TMEM132B: variants seen among roughly 807,000 people sequenced by gnomAD.
TMEM132B encodes the protein transmembrane protein 132B.
In TMEM132B, 18 loss-of-function variants were observed where a neutral mutation model predicts 90.8. The ratio of observed to expected loss-of-function variants is 0.20; its 90% confidence interval spans 0.14 to 0.29. The LOEUF (loss-of-function observed/expected upper bound fraction) is 0.29, where lower values mean the gene tolerates loss of function less well. Ranked by LOEUF, TMEM132B falls within the 10% of genes least tolerant of loss-of-function variation. The probability of loss-of-function intolerance (pLI) is 1.00; values close to 1 mark genes in which losing one functional copy is unlikely to be tolerated. For synonymous variants in TMEM132B, 504 were observed against 523.3 expected (o/e 0.96, Z 0.50); for missense variants, 1,096 against 1,326.8 (o/e 0.83, Z 2.70).
chr12:125,434,905 T>G (rs996302260), intron 3 of TMEM132B, among the ~76,000 whole-genome samples: 13 of 152,158 alleles, frequency 8.5e-5, no homozygotes, highest in Admixed American at 7.9e-4. Flanking sequence ...TGCTGAAACT[T>G]CTTTTCCGTG....
chr12:125,425,775 T>C (rs759471972), intron 3 of TMEM132B, among the ~76,000 whole-genome samples: 7 of 152,268 alleles, frequency 4.6e-5, no homozygotes, highest in Non-Finnish European at 1.0e-4. Flanking sequence ...TTTCTTGGCT[T>C]GATAGCTCAT....
At chr12:125,373,407 TC>T (rs1878363182) in intron 2 of TMEM132B, among the ~76,000 whole-genome samples, 1 of 152,150 alleles carries the variant, frequency 6.6e-6, no homozygotes, top group Non-Finnish European at 1.5e-5. Context: ...TGGGCTTTAA[TC>T]CGATACCTTC....
intron 1 of TMEM132B, among the ~76,000 whole-genome samples, chr12:125,288,707 G>A (rs1039063876): frequency 1.3e-5 from 2 of 151,960 alleles, no homozygotes; most frequent in African/African-American, 2.4e-5. Flanking sequence ...GCTGTTCTGC[G>A]CATCGTGGGA....
intron 1 of TMEM132B, among the ~76,000 whole-genome samples, chr12:125,285,511 T>C (rs1421445128): frequency 6.6e-6 from 1 of 152,198 alleles, no homozygotes; most frequent in Non-Finnish European, 1.5e-5. Flanking sequence ...CATCCAGCGC[T>C]GGACTGAGCC....
intron 2 of TMEM132B, among the ~76,000 whole-genome samples, chr12:125,366,350 T>A (rs190334885): frequency 5.3e-4 from 81 of 152,340 alleles, no homozygotes; most frequent in Non-Finnish European, 9.3e-4. Context: ...GGAGTGCAGA[T>A]ATCTCTTTGA....
chr12:125,297,582 G>A (rs747720060), intron 1 of TMEM132B, among the ~76,000 whole-genome samples: 30 of 152,192 alleles, frequency 2.0e-4, no homozygotes, highest in Non-Finnish European at 2.4e-4. Context: ...CTCAATACTG[G>A]GGCTAAAAGG....
At chr12:125,297,118 G>A (rs903256959) in intron 1 of TMEM132B, among the ~76,000 whole-genome samples, 5 of 150,508 alleles carry the variant, frequency 3.3e-5, no homozygotes, top group African/African-American at 1.2e-4. Flanking sequence ...GCTGGCCACA[G>A]GTCCAGAGAC....
intron 2 of TMEM132B, among the ~76,000 whole-genome samples, chr12:125,404,393 A>G (rs1033915667): frequency 6.6e-6 from 1 of 152,176 alleles, no homozygotes; most frequent in African/African-American, 2.4e-5. Flanking sequence ...AGGATCAGGA[A>G]ATCATATCTG....
chr12:125,542,301 G>T (rs1009563332), intron 4 of TMEM132B, among the ~76,000 whole-genome samples: 1 of 152,178 alleles, frequency 6.6e-6, no homozygotes, highest in African/African-American at 2.4e-5. Flanking sequence ...AATGTCTTTA[G>T]ATGGTAGATT....
At chr12:125,463,622 T>C (rs1265041017) in intron 3 of TMEM132B, among the ~76,000 whole-genome samples, 1 of 152,198 alleles carries the variant, frequency 6.6e-6, no homozygotes, top group African/African-American at 2.4e-5. Context: ...ATCTCAGCTC[T>C]CCCTGGTTTG....
chr12:125,497,105 C>T (rs955178924), intron 3 of TMEM132B, among the ~76,000 whole-genome samples: 1 of 152,178 alleles, frequency 6.6e-6, no homozygotes, highest in Admixed American at 6.5e-5. Flanking sequence ...CCCTATTACC[C>T]AGCCTGGGCT....
At position 125,349,425 on chromosome 12, in the gene TMEM132B, A is replaced by G. The variant is rs745697937; in HGVS notation, c.68-27A>G. 4 of 1,574,342 alleles carry G rather than the reference A, an allele frequency of 2.5e-6. No individual in the cohort carries two copies. The highest frequency in any genetic ancestry group is 2.4e-5 in the South Asian group (2 of 83,240). On this transcript the variant is annotated intron_variant, in intron 1 of 8. Coordinates refer to ENST00000682704, the MANE Select transcript of TMEM132B (RefSeq NM_001366854.1). The surrounding 1 kb of genome is among the most constrained non-coding windows in gnomAD (Gnocchi z 4.1). ...TCATTACATCTCAGAACACGGTTTT[A>G]TTCTTTTGCTTTCCTTTCTTGTGCA...
intron 5 of TMEM132B, among the ~76,000 whole-genome samples, chr12:125,616,400 C>T (rs1885987539): frequency 6.6e-6 from 1 of 152,100 alleles, no homozygotes; most frequent in Non-Finnish European, 1.5e-5. Flanking sequence ...GGAAGCCTGG[C>T]TGGCAAAGGT....
chr12:125,464,031 C>T (rs184251556), intron 3 of TMEM132B, among the ~76,000 whole-genome samples: 11 of 152,296 alleles, frequency 7.2e-5, no homozygotes, highest in African/African-American at 2.6e-4. Context: ...GGAGAAACCA[C>T]CCCATGATTC....
chr12:125,559,125 A>C lies in TMEM132B; in HGVS notation c.1294-24726A>C, dbSNP rs115637984. Among the ~76,000 whole-genome samples the C allele has an allele frequency of 3.3e-3, 497 of 152,310 alleles. 5 individuals are homozygous for C. The highest frequency in any genetic ancestry group is 0.011 in the African/African-American group (452 of 41,558). On this transcript the variant is annotated intron_variant, in intron 4 of 8. Transcript: ENST00000682704. ...GGCCCAGGATTCCAGGTGAAGAAAG[A>C]CTGGCCCAAGAAGGAGGATGGCTTG...
chr12:125,520,569 C>T (rs190100781), intron 4 of TMEM132B, among the ~76,000 whole-genome samples: 75 of 152,214 alleles, frequency 4.9e-4, no homozygotes, highest in Non-Finnish European at 8.1e-4. Flanking sequence ...ACATCTCCCA[C>T]GTCTGGGTCC....
chr12:125,310,986 T>G (rs867894843), intron 1 of TMEM132B, among the ~76,000 whole-genome samples: 2 of 152,338 alleles, frequency 1.3e-5, no homozygotes, highest in Middle Eastern at 6.8e-3. Context: ...TCCCGGAGCT[T>G]CCCAACTCTT....
intron 3 of TMEM132B, among the ~76,000 whole-genome samples, chr12:125,477,122 C>G (rs1027353408): frequency 6.6e-6 from 1 of 152,196 alleles, no homozygotes; most frequent in African/African-American, 2.4e-5. Flanking sequence ...GAACCAGGCT[C>G]TCATCAGCCC....
At chr12:125,604,550 A>G (rs1293715930) in intron 5 of TMEM132B, among the ~76,000 whole-genome samples, 1 of 152,240 alleles carries the variant, frequency 6.6e-6, no homozygotes, top group African/African-American at 2.4e-5. Flanking sequence ...GCACCATGGC[A>G]CACATATACC....
Sources: gnomAD v4.1 joint callset for allele counts (sites outside exome capture counted in the v4.1 genomes callset) on GRCh38, gnomAD v4.1.1 for gene constraint, Gnocchi (gnomAD v3.1) non-coding constraint, MANE v1.5 for transcripts, NCBI Gene and HGNC (gene_info 2026-07-23, HGNC 2026-07-21) for gene names.